The following CCDC32 variants were observed in gnomAD, a reference collection of about 807,000 sequenced individuals.
CCDC32 encodes coiled-coil domain-containing protein 32.
Under a neutral mutation model 20.1 loss-of-function variants are expected in CCDC32, and 9 were observed. The ratio of observed to expected loss-of-function variants is 0.45; its 90% CI spans 0.27 to 0.78. The LOEUF (loss-of-function observed/expected upper bound fraction) is 0.78, where lower values mean the gene tolerates loss of function less well. Ranked by LOEUF, CCDC32 falls within the 30% of genes least tolerant of loss-of-function variation. The probability of loss-of-function intolerance (pLI) is 0.16; values close to 1 mark genes in which losing one functional copy is unlikely to be tolerated. For missense variants in CCDC32, 204 were observed against 215.5 expected (o/e 0.95, Z 0.33); for synonymous variants, 63 against 79.0 (o/e 0.80, Z 1.07).
downstream of CCDC32, among the ~76,000 whole-genome samples, chr15:40,526,153 T>C (rs1894898339): frequency 1.3e-5 from 2 of 152,166 alleles, no homozygotes; most frequent in Non-Finnish European, 2.9e-5. Flanking sequence ...AAGCTGCTCA[T>C]GCACTAGGGA....
chr15:40,563,700 ACACACAC>A (rs759310381), intron 1 of CCDC32, among the ~76,000 whole-genome samples: 3 of 151,992 alleles, frequency 2.0e-5, no homozygotes, highest in South Asian at 2.1e-4. Context: ...ACACACACAC[ACACACAC>A]AAATCTGTAG....
intron 1 of CCDC32, 80 bp downstream of exon 1, chr15:40,564,894 CCA>C: frequency 7.3e-7 from 1 of 1,367,724 alleles, no homozygotes; most frequent in Non-Finnish European, 1.0e-6. Flanking sequence ...GAATCAGGTC[CCA>C]AGGCCTCTAT....
chr15:40,531,780 A>T (rs1888886349), downstream of CCDC32: 1 of 152,052 alleles, frequency 6.6e-6, no homozygotes, highest in African/African-American at 2.4e-5. Context: ...ACACTTGGCT[A>T]ATTTTTTTTA....
At chr15:40,543,025 C>T (rs1889465233) in intron 3 of CCDC32, among the ~76,000 whole-genome samples, 1 of 150,474 alleles carries the variant, frequency 6.6e-6, no homozygotes, top group Non-Finnish European at 1.5e-5. Context: ...GGTATAGTCA[C>T]AGCAAACTCA....
the CCDC32 span, among the ~76,000 whole-genome samples, chr15:40,521,611 A>G: frequency 6.6e-6 from 1 of 152,318 alleles, no homozygotes; most frequent in African/African-American, 2.4e-5. Context: ...CTAACAATGT[A>G]TGAGGGTTCC....
downstream of CCDC32, chr15:40,536,493 C>T (rs960510118): frequency 3.9e-5 from 6 of 152,462 alleles, no homozygotes; most frequent in African/African-American, 1.4e-4. Flanking sequence ...CTGCTCCATT[C>T]TGCATCCCAG....
At chr15:40,534,961 G>A (rs1395113281), downstream of CCDC32, 1 of 702,582 alleles carries the variant, frequency 1.4e-6, no homozygotes, top group Admixed American at 2.0e-5. Flanking sequence ...TCTGCCACTT[G>A]GTATCTGTGT....
At chr15:40,551,274 C>G (rs560282469), downstream of CCDC32, among the ~76,000 whole-genome samples, 2 of 151,884 alleles carry the variant, frequency 1.3e-5, no homozygotes, top group Non-Finnish European at 2.9e-5. Flanking sequence ...CCCAGCTACT[C>G]GGGAGGCTGA....
At chr15:40,540,376 T>C (rs1889338567) in intron 3 of CCDC32, among the ~76,000 whole-genome samples, 3 of 151,264 alleles carry the variant, frequency 2.0e-5, no homozygotes. Flanking sequence ...TTTTCTTTTT[T>C]TTTTTTTTTG....
At chr15:40,555,180 C>T (rs1365112672) in intron 3 of CCDC32, among the ~76,000 whole-genome samples, 1 of 152,178 alleles carries the variant, frequency 6.6e-6, no homozygotes, top group Non-Finnish European at 1.5e-5. Context: ...GGGGAAAAAT[C>T]TAAATGTCAG....
At chr15:40,530,111 G>A (rs1182757496), downstream of CCDC32, among the ~76,000 whole-genome samples, 1 of 150,816 alleles carries the variant, frequency 6.6e-6, no homozygotes, top group Non-Finnish European at 1.5e-5. Flanking sequence ...GGCCAACATG[G>A]TGAAACCCCA....
chr15:40,524,731 T>TTTTC (rs1255410686), downstream of CCDC32, among the ~76,000 whole-genome samples: 2 of 142,566 alleles, frequency 1.4e-5, no homozygotes, highest in African/African-American at 5.2e-5. Flanking sequence ...AAGCTGTTCT[T>TTTTC]TTTCTTTCTT....
chr15:40,555,656 A>G (rs1165697404), intron 3 of CCDC32, among the ~76,000 whole-genome samples: 2 of 152,226 alleles, frequency 1.3e-5, no homozygotes, highest in Admixed American at 1.3e-4. Flanking sequence ...TGAAGCATCT[A>G]GAGGCATGCT....
intron 2 of CCDC32, chr15:40,557,992 T>C (rs917588045): frequency 6.6e-6 from 1 of 152,230 alleles, no homozygotes; most frequent in Non-Finnish European, 1.5e-5. Context: ...TGTTGGAGTC[T>C]AATAAAAACA....
downstream of CCDC32, among the ~76,000 whole-genome samples, chr15:40,529,945 G>A (rs1490985042): frequency 1.3e-5 from 2 of 151,216 alleles, no homozygotes; most frequent in Non-Finnish European, 3.0e-5. Context: ...ACAGGTGTGA[G>A]CCACTGCGCC....
Position 40,554,037 on chromosome 15 carries a change from C to G in CCDC32, c.492G>C (p.Gln164His). The change falls in exon 4 of 4, where the codon CAG becomes CAC. Residue 164 changes from glutamine to histidine, a missense_variant. By Grantham distance (24) the Gln-to-His change is conservative. Transcript: ENST00000416810. ...CGTCCTCGGCCACTGGCTTCTCAAC[C>G]TGTGACTCTGGAGGAATCAGATACT... ...EVQYLIPPES[Q>H]VEKPVAEDEP... is the part of the protein sequence containing the mutation. 2.5e-6 allele frequency: 4 copies of G among 1,613,784 alleles called. No individual in the cohort carries two copies. The highest frequency in any genetic ancestry group is 3.4e-6 in the Non-Finnish European group (4 of 1,179,980).
downstream of CCDC32, chr15:40,532,367 G>A (rs1888909065): frequency 2.9e-6 from 2 of 698,828 alleles, no homozygotes; most frequent in East Asian, 5.4e-5. Flanking sequence ...GAAGATAAAT[G>A]TTTCCAGATA....
chr15:40,551,705 G>A (rs1889873492), downstream of CCDC32, among the ~76,000 whole-genome samples: 1 of 150,918 alleles, frequency 6.6e-6, no homozygotes, highest in Non-Finnish European at 1.5e-5. Flanking sequence ...AGATACTCGG[G>A]AGCCTGAGGC....
downstream of CCDC32, chr15:40,532,108 G>A (rs1367133600): frequency 1.2e-5 from 6 of 514,306 alleles, no homozygotes; most frequent in Non-Finnish European, 2.1e-5. Flanking sequence ...TCTATTATGG[G>A]TTCTCGCTCA....
Sources: allele counts gnomAD v4.1 joint callset (sites outside exome capture counted in the v4.1 genomes callset), GRCh38; gene constraint gnomAD v4.1.1; transcripts MANE v1.5; gene names NCBI Gene and HGNC (gene_info 2026-07-23, HGNC 2026-07-21).